Variants in FTO observed in about 807,000 individuals in gnomAD.
FTO encodes alpha-ketoglutarate-dependent dioxygenase FTO.
A neutral mutation model predicts 63.9 loss-of-function variants in FTO; 47 were observed. The observed-to-expected ratio is 0.74, with a 90% CI of 0.58 to 0.94. The LOEUF (loss-of-function observed/expected upper bound fraction) is 0.94. Ranked by LOEUF, FTO falls within the 40% of genes least tolerant of loss-of-function variation. The pLI is 0.00. For synonymous variants in FTO, 207 were observed against 224.4 expected (o/e 0.92, Z 0.69); for missense variants, 562 against 618.1 (o/e 0.91, Z 0.96).
At chr16:53,965,495 A>G (rs2083178327) in intron 8 of FTO, among the ~76,000 whole-genome samples, 1 of 152,112 alleles carries the variant, frequency 6.6e-6, no homozygotes, top group African/African-American at 2.4e-5. Flanking sequence ...TTTCTGTTTA[A>G]AAGTAATCAC....
chr16:53,855,712 A>G (rs2079972139), intron 4 of FTO, among the ~76,000 whole-genome samples: 1 of 152,222 alleles, frequency 6.6e-6, no homozygotes, highest in South Asian at 2.1e-4. Flanking sequence ...AGAATCTTCC[A>G]TGGCAGCCTA....
At chr16:53,944,887 T>A (rs2052021107) in intron 8 of FTO, among the ~76,000 whole-genome samples, 1 of 152,166 alleles carries the variant, frequency 6.6e-6, no homozygotes, top group Admixed American at 6.5e-5. Context: ...TTTGAGAGAA[T>A]GCCTCATGAA....
At chr16:53,975,856 T>G (rs1458839975) in intron 8 of FTO, among the ~76,000 whole-genome samples, 2 of 152,182 alleles carry the variant, frequency 1.3e-5, no homozygotes, top group Non-Finnish European at 2.9e-5. Context: ...TGGATGTATA[T>G]GAATTCATAT....
chr16:53,717,654 T>C (rs1241062911), intron 1 of FTO, among the ~76,000 whole-genome samples: 1 of 152,112 alleles, frequency 6.6e-6, no homozygotes, highest in Non-Finnish European at 1.5e-5. Flanking sequence ...AGATTAACAG[T>C]CATGCATTCT....
chr16:53,843,197 A>C (rs2079523869), intron 3 of FTO, among the ~76,000 whole-genome samples: 3 of 152,208 alleles, frequency 2.0e-5, no homozygotes. Flanking sequence ...ATACTTGCTC[A>C]ACAGTCATTT....
chr16:53,729,511 A>G (rs1277648566), intron 1 of FTO, among the ~76,000 whole-genome samples: 3 of 150,694 alleles, frequency 2.0e-5, no homozygotes, highest in South Asian at 2.1e-4. Context: ...TCGGGGGGAA[A>G]AAAAAAGTAA....
At chr16:53,972,074 T>C (rs746950048) in intron 8 of FTO, among the ~76,000 whole-genome samples, 5 of 152,100 alleles carry the variant, frequency 3.3e-5, no homozygotes, top group Non-Finnish European at 7.4e-5. Context: ...GAGCCAGTCA[T>C]ATGGAGACAG....
chr16:53,852,397 T>A (rs181665552), intron 4 of FTO, among the ~76,000 whole-genome samples: 1 of 152,328 alleles, frequency 6.6e-6, no homozygotes, highest in East Asian at 1.9e-4. Flanking sequence ...TTAATTACTT[T>A]CCTTAGAACC....
chr16:54,048,070 A>G (rs1470208157), intron 8 of FTO, among the ~76,000 whole-genome samples: 1 of 83,134 alleles, frequency 1.2e-5, no homozygotes, highest in Non-Finnish European at 2.1e-5. Flanking sequence ...TATGTAACTA[A>G]CCTGCACAAT....
rs2076059439 is a variant in FTO, at chr16:53,722,289, A to T, written c.45+18060A>T. Among the ~76,000 whole-genome samples, 2 of 152,150 alleles carry T rather than the reference A, an allele frequency of 1.3e-5. 1 individual carries two copies. The highest frequency in any genetic ancestry group is 4.1e-4 in the South Asian group (2 of 4,826). ...TACATAGTAGTGTTTTATACACAGTAATTCTCTTTTCCCTATGGGGATTAT... is the reference window on the plus strand; with the variant it reads ...TACATAGTAGTGTTTTATACACAGTTATTCTCTTTTCCCTATGGGGATTAT... On this transcript the variant is annotated intron_variant, in intron 1 of 8. Coordinates refer to ENST00000471389, the MANE Select transcript of FTO (RefSeq NM_001080432.3).
chr16:53,758,174 G>A (rs535840255), intron 1 of FTO, among the ~76,000 whole-genome samples: 1 of 152,310 alleles, frequency 6.6e-6, no homozygotes, highest in African/African-American at 2.4e-5. Context: ...GGTGCTAGTG[G>A]TGAAGTAAGA....
Position 53,826,293 on chromosome 16 carries a change from T to C in FTO, c.553T>C (p.Tyr185His). Residue 185 changes from tyrosine to histidine, a missense_variant, in exon 3 of 9, where the codon TAC (tyrosine) becomes CAC (histidine). Transcript: ENST00000471389. The stretch of plus-strand genomic sequence containing the variant: ...CCCCAGGGTTGGGATGGGTTCATCC[T>C]ACAACGGACAAGATGAAGTGGACAT... ...DFPRVGMGSSYNGQDEVDIKS... is the reference protein window; with the variant it reads ...DFPRVGMGSSHNGQDEVDIKS... 6.2e-7 allele frequency: 1 copy of C among 1,614,170 alleles called. No homozygotes were observed. The highest frequency in any genetic ancestry group is 1.6e-4 in the Middle Eastern group (1 of 6,062).
chr16:54,015,233 G>A (rs769512746), intron 8 of FTO, among the ~76,000 whole-genome samples: 18 of 152,100 alleles, frequency 1.2e-4, no homozygotes, highest in South Asian at 2.1e-4. Flanking sequence ...GACATTGTCA[G>A]CTATTTATGT....
intron 1 of FTO, among the ~76,000 whole-genome samples, chr16:53,752,704 C>G (rs972069343): frequency 9.9e-5 from 15 of 152,184 alleles, no homozygotes; most frequent in African/African-American, 3.4e-4. Context: ...TTATGTGGTT[C>G]CACTGTAATT....
intron 4 of FTO, among the ~76,000 whole-genome samples, chr16:53,851,170 G>T (rs888993534): frequency 6.6e-6 from 1 of 151,822 alleles, no homozygotes; most frequent in African/African-American, 2.4e-5. Context: ...AAAAATGGCT[G>T]GGTGCGGTGG....
intron 1 of FTO, among the ~76,000 whole-genome samples, chr16:53,720,149 C>T (rs1346048292): frequency 1.3e-5 from 2 of 152,014 alleles, no homozygotes; most frequent in Non-Finnish European, 2.9e-5. Context: ...TCTCACATTC[C>T]AACTACCAGT....
At chr16:53,950,174 A>AAAAAAAAAAAAAAAAAAAAAAAAC (rs2082753447) in intron 8 of FTO, among the ~76,000 whole-genome samples, 1 of 133,284 alleles carries the variant, frequency 7.5e-6, no homozygotes, top group Non-Finnish European at 1.7e-5. Context: ...AAAAAAAAAA[A>AAAAAAAAAAAAAAAAAAAAAAAAC]AAAAACTTAA....
chr16:53,743,767 A>G (rs1194489417), intron 1 of FTO, among the ~76,000 whole-genome samples: 2 of 151,880 alleles, frequency 1.3e-5, no homozygotes, highest in African/African-American at 4.8e-5. Flanking sequence ...TATAATCCTC[A>G]TAGGAACCCT....
At chr16:53,723,600 C>T (rs1337785829) in intron 1 of FTO, among the ~76,000 whole-genome samples, 3 of 152,164 alleles carry the variant, frequency 2.0e-5, no homozygotes, top group Non-Finnish European at 4.4e-5. Flanking sequence ...CTTTATTCCC[C>T]ATGCCTCATC....
Sources: gnomAD v4.1 joint callset for allele counts (sites outside exome capture counted in the v4.1 genomes callset) on GRCh38, gnomAD v4.1.1 for gene constraint, MANE v1.5 for transcripts, NCBI Gene and HGNC (gene_info 2026-07-23, HGNC 2026-07-21) for gene names.